ZMAT4: variants seen among roughly 807,000 people sequenced by gnomAD.
The protein encoded by ZMAT4 is zinc finger matrin-type protein 4.
In ZMAT4, 17 loss-of-function variants were observed where a neutral mutation model predicts 28.7. The observed-to-expected ratio is 0.59, with a 90% confidence interval of 0.41 to 0.89. The LOEUF (loss-of-function observed/expected upper bound fraction) is 0.89. Ranked by LOEUF, ZMAT4 falls within the 40% of genes least tolerant of loss-of-function variation. The pLI is 0.00. For synonymous variants in ZMAT4, 117 were observed against 109.2 expected (o/e 1.07, Z -0.44); for missense variants, 240 against 283.8 (o/e 0.85, Z 1.11).
At chr8:40,858,019 T>C (rs1245634193) in intron 1 of ZMAT4, among the ~76,000 whole-genome samples, 1 of 152,208 alleles carries the variant, frequency 6.6e-6, no homozygotes, top group Non-Finnish European at 1.5e-5. Context: ...ATGGGAGTTA[T>C]TGACCAGAAA....
intron 2 of ZMAT4, among the ~76,000 whole-genome samples, chr8:40,813,011 T>C (rs1815390520): frequency 6.6e-6 from 1 of 150,958 alleles, no homozygotes; most frequent in Non-Finnish European, 1.5e-5. Flanking sequence ...ATATATGCTA[T>C]ATAATAGTAA....
chr8:40,650,241 G>T (rs978307138), intron 5 of ZMAT4, among the ~76,000 whole-genome samples: 94 of 151,966 alleles, frequency 6.2e-4, no homozygotes, highest in Non-Finnish European at 1.1e-3. Context: ...TGATAAAGGG[G>T]ATATCACCAC....
intron 3 of ZMAT4, among the ~76,000 whole-genome samples, chr8:40,711,055 A>G (rs1353935455): frequency 6.6e-6 from 1 of 152,176 alleles, no homozygotes; most frequent in Non-Finnish European, 1.5e-5. Flanking sequence ...AAGTACTGGG[A>G]TTACAGGCAT....
At chr8:40,742,954 G>C (rs1346203733) in intron 3 of ZMAT4, among the ~76,000 whole-genome samples, 1 of 152,112 alleles carries the variant, frequency 6.6e-6, no homozygotes. Context: ...GCTAATGCCT[G>C]TAATCCTAGC....
chr8:40,650,358 C>A (rs1479952525), intron 5 of ZMAT4, among the ~76,000 whole-genome samples: 2 of 146,168 alleles, frequency 1.4e-5, no homozygotes, highest in East Asian at 4.1e-4. Flanking sequence ...CACATACACT[C>A]TCCCAAGACT....
intron 3 of ZMAT4, among the ~76,000 whole-genome samples, chr8:40,727,817 AT>A (rs5891116): frequency 0.27 from 41,510 of 152,120 alleles, 6,528 homozygotes; most frequent in East Asian, 0.56. Flanking sequence ...TTAAGACAAG[AT>A]AAAAATCCCT....
intron 1 of ZMAT4, among the ~76,000 whole-genome samples, chr8:40,854,026 G>A (rs1443122588): frequency 3.3e-5 from 5 of 152,152 alleles, no homozygotes; most frequent in South Asian, 2.1e-4. Flanking sequence ...AGTGAGTCAC[G>A]TGACCAGAGA....
chr8:40,553,485 C>CA (rs1161339828), intron 6 of ZMAT4, among the ~76,000 whole-genome samples: 3 of 152,038 alleles, frequency 2.0e-5, no homozygotes, highest in East Asian at 3.9e-4. Flanking sequence ...CTAAAAATGC[C>CA]AAAAAAATTT....
At chr8:40,542,756 A>G (rs1257266192) in intron 6 of ZMAT4, among the ~76,000 whole-genome samples, 1 of 152,232 alleles carries the variant, frequency 6.6e-6, no homozygotes, top group Non-Finnish European at 1.5e-5. Context: ...AAACAACATT[A>G]TGTAACAGAA....
At chr8:40,609,231 G>A (rs894245420) in intron 5 of ZMAT4, among the ~76,000 whole-genome samples, 4 of 152,198 alleles carry the variant, frequency 2.6e-5, no homozygotes, top group Non-Finnish European at 5.9e-5. Context: ...TTTATCGTCA[G>A]ATTCAACAGA....
At chr8:40,869,018 C>G (rs1392922913) in intron 1 of ZMAT4, among the ~76,000 whole-genome samples, 1 of 152,226 alleles carries the variant, frequency 6.6e-6, no homozygotes. Flanking sequence ...ACCTGTCCAA[C>G]CCTGTTTGCT....
At chr8:40,730,127 C>T (rs1811475158) in intron 3 of ZMAT4, among the ~76,000 whole-genome samples, 1 of 152,102 alleles carries the variant, frequency 6.6e-6, no homozygotes, top group South Asian at 2.1e-4. Flanking sequence ...AAACATTTAT[C>T]ACAATTATCC....
rs1246792216 is a variant in ZMAT4, at chr8:40,615,138, C to T, written c.578-33877G>A. On this transcript the variant is annotated intron_variant, in intron 5 of 6. Transcript: ENST00000297737. ...CAGGCCTGGTGGTGACAAAATCTCT[C>T]AGCATTTGCTTGTCTGTAAAGTATT... is the stretch of plus-strand genomic sequence containing the variant. 2.0e-5 allele frequency among the ~76,000 whole-genome samples: 3 copies of T among 152,144 alleles called. No individual in the cohort carries two copies. In the East Asian group the frequency reaches 5.8e-4, roughly 29 times the overall value.
chr8:40,561,538 C>T (rs897736546), intron 6 of ZMAT4, among the ~76,000 whole-genome samples: 24 of 152,152 alleles, frequency 1.6e-4, no homozygotes, highest in African/African-American at 5.3e-4. Flanking sequence ...CTTAGAGGTC[C>T]CAGCTGGTGC....
intron 5 of ZMAT4, among the ~76,000 whole-genome samples, chr8:40,639,771 TACAC>T (rs10676366): frequency 0.13 from 19,061 of 146,396 alleles, 1,520 homozygotes; most frequent in African/African-American, 0.24. Context: ...GTCCTTTTGT[TACAC>T]ACACACACAC....
At chr8:40,647,731 G>A (rs1440619856) in intron 5 of ZMAT4, among the ~76,000 whole-genome samples, 1 of 152,190 alleles carries the variant, frequency 6.6e-6, no homozygotes, top group Non-Finnish European at 1.5e-5. Flanking sequence ...GGAGATCTGA[G>A]AACGGACAGA....
chr8:40,796,633 T>C (rs187806308), intron 2 of ZMAT4, among the ~76,000 whole-genome samples: 5 of 152,282 alleles, frequency 3.3e-5, no homozygotes, highest in African/African-American at 1.2e-4. Flanking sequence ...CTACTTAGAA[T>C]GATATCTCTT....
chr8:40,571,300 G>T (rs557681052), intron 6 of ZMAT4, among the ~76,000 whole-genome samples: 3 of 5,490 alleles, frequency 5.5e-4, no homozygotes, highest in East Asian at 0.25. Flanking sequence ...GCATGCAAGT[G>T]CAACTTAGAA....
intron 5 of ZMAT4, among the ~76,000 whole-genome samples, chr8:40,616,430 T>C (rs111240300): frequency 0.25 from 37,450 of 152,172 alleles, 5,543 homozygotes; most frequent in Non-Finnish European, 0.34. Context: ...TAAAGATACA[T>C]GCACATGTAT....
Sources: gnomAD v4.1 joint callset for allele counts (sites outside exome capture counted in the v4.1 genomes callset) on GRCh38, gnomAD v4.1.1 for gene constraint, MANE v1.5 for transcripts, NCBI Gene and HGNC (gene_info 2026-07-23, HGNC 2026-07-21) for gene names.